Variants in COLGALT1 observed in about 807,000 individuals in gnomAD.
The protein encoded by COLGALT1 is procollagen galactosyltransferase 1.
A neutral mutation model predicts 60.8 loss-of-function variants in COLGALT1; 43 were observed. The observed-to-expected ratio is 0.71, with a 90% CI of 0.55 to 0.91. The LOEUF (loss-of-function observed/expected upper bound fraction) is 0.91. COLGALT1 is among the 40% of genes least tolerant of loss of function. COLGALT1 has a pLI of 0.00. For synonymous variants in COLGALT1, 369 were observed against 374.2 expected, an observed-to-expected ratio of 0.99 and a Z score of 0.16; for missense variants, 845 against 880.0, an observed-to-expected ratio of 0.96 and a Z score of 0.50.
At chr19:17,575,422 T>C (rs2375637) in intron 6 of COLGALT1, among the ~76,000 whole-genome samples, 21,762 of 152,082 alleles carry the variant, frequency 0.14, 1,667 homozygotes, top group African/African-American at 0.2. Context: ...ATTTTTTGTA[T>C]TTTTATTGGA....
At chr19:17,579,420 TGTGCTTTAGGG>T in intron 9 of COLGALT1, 51 bp from the exon 10 acceptor site, 1 of 1,608,944 alleles carries the variant, frequency 6.2e-7, no homozygotes. Flanking sequence ...AGCAAAGCTC[TGTGCTTTAGGG>T]TCAGGCCTGG....
In COLGALT1 at chr19:17,579,425, T is replaced by A. The variant is rs2076364593; in HGVS notation, c.1267-57T>A. 1.9e-6 allele frequency: 3 copies of A among 1,611,744 alleles called. No individual in the cohort carries two copies. The South Asian group carries it at 3.3e-5, about 18-fold the overall frequency. On this transcript the variant is annotated intron_variant, in intron 9 of 11. Transcript: ENST00000252599. The stretch of plus-strand genomic sequence containing the variant: ...ACCTTCTCAAAGCAAAGCTCTGTGC[T>A]TTAGGGTCAGGCCTGGCCTTGGCCT...
chr19:17,559,790 T>A (rs936334743), intron 2 of COLGALT1, among the ~76,000 whole-genome samples: 15 of 151,762 alleles, frequency 9.9e-5, no homozygotes, highest in African/African-American at 3.4e-4. Context: ...CCTTTCTGGG[T>A]TTTTGTTTTT....
At chr19:17,568,735 C>T (rs948294876) in intron 5 of COLGALT1, 22 bp downstream of exon 5, 5 of 1,612,426 alleles carry the variant, frequency 3.1e-6, no homozygotes, top group Non-Finnish European at 4.2e-6. Flanking sequence ...AGGGGTCTGC[C>T]ATCGCAGGGG....
chr19:17,580,544 G>A, intron 10 of COLGALT1, 155 bp from the exon 11 acceptor site: 1 of 694,946 alleles, frequency 1.4e-6, no homozygotes, highest in Non-Finnish European at 2.4e-6. Flanking sequence ...AGACCCCTGG[G>A]CTCCTGCATT....
intron 1 of COLGALT1, among the ~76,000 whole-genome samples, chr19:17,558,153 A>G (rs2076224621): frequency 6.6e-6 from 1 of 150,802 alleles, no homozygotes; most frequent in East Asian, 2.0e-4. Flanking sequence ...TGGCCAGGCT[A>G]GGCTCAAACT....
rs1390800946 is a variant in COLGALT1, at chr19:17,568,706, G to A, written c.822G>A (p.Lys274=). The A allele has an allele frequency of 7.4e-6, 12 of 1,614,066 alleles. No individual in the cohort carries two copies. Among genetic ancestry groups the A allele is most frequent in the Non-Finnish European group, 1.0e-5 (12 of 1,180,030 alleles). ...TCATCGTCTTTGCCTTCTCCTGCAA[G>A]CAGGCAGGTACGTACATGAGGGGTC... ...DDIIVFAFSC[K]QAEVQMYVCN... Residue 274 remains lysine, a synonymous_variant, in exon 5 of 12, where the codon AAG becomes AAA. Coordinates refer to ENST00000252599, the MANE Select transcript of COLGALT1 (RefSeq NM_024656.4).
rs199904709 is a variant in COLGALT1 at position 17,580,741 on chromosome 19, G to A, written c.1437G>A (p.Lys479=). ...GGATGCAGGTGGAGCACCCCGAGAAGGCTGTGCCTCGCGTGAGGAACCTGG... is the reference window on the plus strand; with the variant it reads ...GGATGCAGGTGGAGCACCCCGAGAAAGCTGTGCCTCGCGTGAGGAACCTGG... ...RKRMQVEHPE[K]AVPRVRNLVE... The change falls in exon 11 of 12, where the codon AAG becomes AAA. Residue 479 remains lysine (K), a synonymous_variant. Transcript: ENST00000252599. 1 of 1,614,100 alleles carries A rather than the reference G, an allele frequency of 6.2e-7. No homozygotes were observed. The highest frequency in any genetic ancestry group is 1.3e-5 in the African/African-American group (1 of 75,022).
At chr19:17,577,528 G>A (rs2076351945) in intron 8 of COLGALT1, 61 bp downstream of exon 8, 5 of 1,361,256 alleles carry the variant, frequency 3.7e-6, no homozygotes, top group East Asian at 2.5e-5. Flanking sequence ...TGTAGACCTC[G>A]CTGGTAGACG....
intron 10 of COLGALT1, chr19:17,580,276 CTCT>C (rs2076372175): frequency 1.3e-5 from 3 of 232,520 alleles, no homozygotes; most frequent in South Asian, 1.2e-4. Context: ...CTTCCTCCAT[CTCT>C]TTTTTCCCTT....
intron 4 of COLGALT1, among the ~76,000 whole-genome samples, chr19:17,567,741 C>A (rs1342922935): frequency 2.6e-5 from 4 of 151,450 alleles, no homozygotes; most frequent in African/African-American, 7.3e-5. Flanking sequence ...GAGTTTGAGA[C>A]CATCCTGGGC....
rs1230407785 is a variant in COLGALT1 at position 17,577,983 on chromosome 19, C to T, written c.1160C>T (p.Ala387Val). The T allele has an allele frequency of 2.5e-6, 4 of 1,610,840 alleles. No homozygotes were observed. The highest frequency in any genetic ancestry group is 1.7e-5 in the Admixed American group (1 of 59,776). Reference protein sequence around the residue: ...GKAMNTSQVEALGIQMLPGYR... With the variant: ...GKAMNTSQVEVLGIQMLPGYR... The stretch of plus-strand genomic sequence containing the variant: ...GCCATGAACACCAGCCAGGTGGAGG[C>T]GCTGGGGATCCAGATGCTGCCTGGC... Residue 387 changes from alanine (A) to valine (V), a missense_variant, in exon 9 of 12, where the codon GCG (alanine) becomes GTG (valine). Coordinates refer to ENST00000252599, the MANE Select transcript of COLGALT1 (RefSeq NM_024656.4).
intron 5 of COLGALT1, among the ~76,000 whole-genome samples, chr19:17,569,912 T>TTTTTTTTTTA (rs2076302219): frequency 6.7e-6 from 1 of 148,820 alleles, no homozygotes. Context: ...TTTTTTTTTT[T>TTTTTTTTTTA]GAGACGGAGT....
At position 17,578,035 on chromosome 19, in the gene COLGALT1, C is replaced by T. The variant is rs139164743; in HGVS notation, c.1212C>T (p.Pro404=). Residue 404 remains proline, a synonymous_variant, in exon 9 of 12, where the codon CCC becomes CCT. Coordinates refer to ENST00000252599, the MANE Select transcript of COLGALT1 (RefSeq NM_024656.4). ...PGYRDPYHGR[P]LTKGELGCFL... is the part of the protein sequence containing the mutation. The stretch of plus-strand genomic sequence containing the variant: ...ACCGGGACCCCTACCACGGCCGGCC[C>T]CTCACCAAGGGTGAGCTGGGCTGCT... The T allele has an allele frequency of 1.2e-5, 19 of 1,610,754 alleles. No individual in the cohort carries two copies. In the African/African-American group the frequency reaches 1.5e-4, roughly 12 times the overall value.
chr19:17,572,433 T>C (rs529212021), intron 5 of COLGALT1, 50 bp from the exon 6 acceptor site: 2 of 1,611,834 alleles, frequency 1.2e-6, no homozygotes, highest in South Asian at 1.1e-5. Flanking sequence ...CATGAGCCAC[T>C]GGGCCTCGCC....
chr19:17,560,424 G>C lies in COLGALT1; in HGVS notation c.448G>C (p.Ala150Pro). The change falls in exon 3 of 12, where the codon GCC becomes CCC. Residue 150 changes from alanine to proline, a missense_variant. Ala to Pro is a conservative substitution (Grantham distance 27). Transcript: ENST00000252599. ...YEHVMKLRQA[A>P]LKSARDMWAD... ...GCATGTCATGAAGTTGCGCCAGGCA[G>C]CCCTGAAATCAGCTCGAGACATGTG... is the stretch of plus-strand genomic sequence containing the variant. 1.2e-6 allele frequency: 2 copies of C among 1,614,174 alleles called. No individual in the cohort carries two copies. The highest frequency in any genetic ancestry group is 1.7e-6 in the Non-Finnish European group (2 of 1,180,030).
chr19:17,568,774 T>C, intron 5 of COLGALT1, 61 bp downstream of exon 5: 1 of 1,553,286 alleles, frequency 6.4e-7, no homozygotes, highest in Non-Finnish European at 8.9e-7. Context: ...GGTTTTGCAC[T>C]AAGCCAGTTC....
Position 17,559,296 on chromosome 19 carries a change from C to G in COLGALT1, c.261-15C>G. The G allele has an allele frequency of 1.9e-6, 3 of 1,544,334 alleles. No homozygotes were observed. The highest frequency in any genetic ancestry group is 2.6e-6 in the Non-Finnish European group (3 of 1,140,304). ...CAGTCTCCCCAAGTACGCTGCCTGT[C>G]CCCTCTCCCTGCAGGGTGGCTACGG... On this transcript the variant is annotated splice_polypyrimidine_tract_variant and intron_variant, in intron 1 of 11. Coordinates refer to ENST00000252599, the MANE Select transcript of COLGALT1 (RefSeq NM_024656.4).
Position 17,579,467 on chromosome 19 carries a change from G to A in COLGALT1, c.1267-15G>A. On this transcript the variant is annotated splice_polypyrimidine_tract_variant and intron_variant, in intron 9 of 11. Transcript: ENST00000252599. ...CCTTGGCCTCCCTGTGATGTGGCGGGGCTTCCTCCCTCAGGTGGTGGACCG... is the reference window on the plus strand; with the variant it reads ...CCTTGGCCTCCCTGTGATGTGGCGGAGCTTCCTCCCTCAGGTGGTGGACCG... 1 of 1,613,046 alleles carries A rather than the reference G, an allele frequency of 6.2e-7. No homozygotes were observed. The highest frequency in any genetic ancestry group is 8.5e-7 in the Non-Finnish European group (1 of 1,179,232).
Sources: gnomAD v4.1 joint callset for allele counts (sites outside exome capture counted in the v4.1 genomes callset) on GRCh38, gnomAD v4.1.1 for gene constraint, MANE v1.5 for transcripts, NCBI Gene and HGNC (gene_info 2026-07-23, HGNC 2026-07-21) for gene names.